Variants in PTPRN2 observed in about 807,000 individuals in gnomAD.
PTPRN2 encodes protein tyrosine phosphatase receptor type N2.
A neutral mutation model predicts 118.8 loss-of-function variants in PTPRN2; 74 were observed. That is an observed-to-expected ratio of 0.62 (90% CI 0.52 to 0.76). PTPRN2 has a LOEUF of 0.76. Ranked by LOEUF, PTPRN2 falls within the 30% of genes least tolerant of loss-of-function variation. The pLI is 0.00. For missense variants in PTPRN2, 1,481 were observed against 1,394.4 expected (o/e 1.06, Z -0.99); for synonymous variants, 641 against 608.0 (o/e 1.05, Z -0.80).
At chr7:158,188,703 C>T (rs71545571) in intron 5 of PTPRN2, among the ~76,000 whole-genome samples, 86 of 123,002 alleles carry the variant, frequency 7.0e-4, no homozygotes, top group Middle Eastern at 5.4e-3. Context: ...GCCGCCACGC[C>T]CGCCCCCTGT....
rs566959073 is a variant in PTPRN2 at position 157,825,239 on chromosome 7, C to T, written c.1788+73434G>A. Among the ~76,000 whole-genome samples the T allele has an allele frequency of 9.1e-4, 139 of 152,258 alleles. 1 individual carries two copies. Among genetic ancestry groups the T allele is most frequent in the Middle Eastern group, 6.8e-3 (2 of 294 alleles). ...AGGGAGTGTCTCATGGTGGGACGCG[C>T]GCCCTGCTCCTCTTCTTCCCCCTTC... On this transcript the variant is annotated intron_variant, in intron 12 of 22. Transcript: ENST00000389418.
chr7:158,406,139 T>A, intron 2 of PTPRN2, among the ~76,000 whole-genome samples: 1 of 112,444 alleles, frequency 8.9e-6, no homozygotes. Context: ...GTGAGACACG[T>A]GGCCGCACAC....
chr7:157,651,771 C>T (rs746270588), intron 14 of PTPRN2, among the ~76,000 whole-genome samples: 3 of 152,240 alleles, frequency 2.0e-5, no homozygotes, highest in African/African-American at 4.8e-5. Context: ...AACCGTCCTG[C>T]GAAGTCGCCT....
chr7:157,607,611 C>T (rs1802082298), intron 15 of PTPRN2, among the ~76,000 whole-genome samples: 1 of 152,206 alleles, frequency 6.6e-6, no homozygotes, highest in African/African-American at 2.4e-5. Flanking sequence ...GGCCTGGCCT[C>T]TACGGAGGGC....
At chr7:157,607,069 G>A (rs571494010) in intron 15 of PTPRN2, among the ~76,000 whole-genome samples, 1 of 152,342 alleles carries the variant, frequency 6.6e-6, no homozygotes, top group Non-Finnish European at 1.5e-5. Context: ...AGCTCTGAAC[G>A]AAGGTGTGAA....
intron 11 of PTPRN2, among the ~76,000 whole-genome samples, chr7:157,966,914 CTCA>C (rs1203670335): frequency 6.6e-6 from 1 of 152,152 alleles, no homozygotes; most frequent in Non-Finnish European, 1.5e-5. Context: ...CATCACCACT[CTCA>C]TCATCATTTT....
intron 11 of PTPRN2, among the ~76,000 whole-genome samples, chr7:158,072,057 CCGTG>C (rs1811953074): frequency 1.4e-5 from 1 of 69,136 alleles, no homozygotes; most frequent in Non-Finnish European, 2.9e-5. Flanking sequence ...GTGGAGGTTC[CCGTG>C]GTGGTGGAGG....
At chr7:158,300,682 G>A (rs1800830125) in intron 3 of PTPRN2, among the ~76,000 whole-genome samples, 1 of 126,070 alleles carries the variant, frequency 7.9e-6, no homozygotes, top group African/African-American at 3.0e-5. Flanking sequence ...GTGCAACAGT[G>A]TTCTAAGAAA....
intron 2 of PTPRN2, among the ~76,000 whole-genome samples, chr7:158,323,687 G>T (rs993193562): frequency 3.9e-5 from 6 of 152,130 alleles, no homozygotes; most frequent in Non-Finnish European, 7.4e-5. Context: ...TTAGAGCACT[G>T]TTCCCACAGG....
intron 3 of PTPRN2, among the ~76,000 whole-genome samples, chr7:158,271,708 G>A (rs186341902): frequency 7.9e-5 from 12 of 152,184 alleles, no homozygotes; most frequent in African/African-American, 2.9e-4. Flanking sequence ...TCACAGTTCT[G>A]GAGATACCCA....
chr7:157,701,829 G>A (rs979124627), intron 12 of PTPRN2, among the ~76,000 whole-genome samples: 6 of 151,284 alleles, frequency 4.0e-5, no homozygotes, highest in Non-Finnish European at 8.9e-5. Flanking sequence ...CGCGGGCTGT[G>A]CATTTATAAG....
chr7:158,258,563 C>T (rs910987838), intron 3 of PTPRN2, among the ~76,000 whole-genome samples: 3 of 152,230 alleles, frequency 2.0e-5, no homozygotes, highest in African/African-American at 7.2e-5. Flanking sequence ...GGGGCGACCA[C>T]ATCAGATACC....
chr7:157,572,297 C>T (rs1006166047), intron 19 of PTPRN2, among the ~76,000 whole-genome samples: 4 of 152,050 alleles, frequency 2.6e-5, no homozygotes, highest in Non-Finnish European at 4.4e-5. Context: ...GGCGGAACCT[C>T]GGGTTATTGG....
chr7:158,549,801 G>A (rs1248342717), intron 1 of PTPRN2, among the ~76,000 whole-genome samples: 1 of 152,270 alleles, frequency 6.6e-6, no homozygotes, highest in Non-Finnish European at 1.5e-5. Context: ...TCCCCAGAGG[G>A]CTGGCAACTG....
At chr7:158,035,652 A>G (rs941162743) in intron 11 of PTPRN2, among the ~76,000 whole-genome samples, 2 of 152,240 alleles carry the variant, frequency 1.3e-5, no homozygotes, top group Non-Finnish European at 1.5e-5. Context: ...CAGGCTCTGG[A>G]TGAAAACACA....
chr7:158,023,526 T>C (rs1807057866), intron 11 of PTPRN2, among the ~76,000 whole-genome samples: 1 of 152,210 alleles, frequency 6.6e-6, no homozygotes, highest in South Asian at 2.1e-4. Flanking sequence ...TCTGCAGCAC[T>C]GTCCCATCCA....
At chr7:158,564,691 T>C (rs1187412802) in intron 1 of PTPRN2, among the ~76,000 whole-genome samples, 1 of 152,208 alleles carries the variant, frequency 6.6e-6, no homozygotes, top group Non-Finnish European at 1.5e-5. Context: ...TCTAGACCCT[T>C]TCCCTCAGCA....
At chr7:158,023,723 A>G (rs145890202) in intron 11 of PTPRN2, among the ~76,000 whole-genome samples, 22 of 152,304 alleles carry the variant, frequency 1.4e-4, no homozygotes, top group African/African-American at 4.6e-4. Flanking sequence ...CTTCATGCCC[A>G]GTTTGTCATC....
intron 1 of PTPRN2, among the ~76,000 whole-genome samples, chr7:158,533,245 C>T (rs1186379285): frequency 6.6e-6 from 1 of 151,972 alleles, no homozygotes; most frequent in Non-Finnish European, 1.5e-5. Flanking sequence ...TCAGTGCACC[C>T]TCGCTCACAG....
Sources: gnomAD v4.1 joint callset for allele counts (sites outside exome capture counted in the v4.1 genomes callset) on GRCh38, gnomAD v4.1.1 for gene constraint, MANE v1.5 for transcripts, NCBI Gene and HGNC (gene_info 2026-07-23, HGNC 2026-07-21) for gene names.